Variants in ZNF607 observed in about 807,000 individuals in gnomAD.
ZNF607 encodes the protein zinc finger protein 607.
ZNF607 carries 5 observed loss-of-function variants against 12.8 expected under a neutral mutation model. The observed-to-expected ratio is 0.39, with a 90% confidence interval of 0.20 to 0.82. ZNF607 has a LOEUF of 0.82. ZNF607 is among the 40% of genes least tolerant of loss of function. The pLI, the probability that ZNF607 is intolerant of heterozygous loss-of-function variation, is 0.39. For synonymous variants in ZNF607, 287 were observed against 276.2 expected (o/e 1.04, Z -0.39); for missense variants, 851 against 859.2 (o/e 0.99, Z 0.12).
At chr19:37,702,899 C>G (rs2045050906) in intron 4 of ZNF607, among the ~76,000 whole-genome samples, 1 of 151,986 alleles carries the variant, frequency 6.6e-6, no homozygotes, top group South Asian at 2.1e-4. Context: ...AAATAAATTA[C>G]TCAAGGAGAT....
intron 2 of ZNF607, 90 bp from the exon 3 acceptor site, chr19:37,709,912 T>C (rs886143001): frequency 3.4e-6 from 5 of 1,480,522 alleles, no homozygotes; most frequent in Non-Finnish European, 9.2e-7. Context: ...ATCCCAGCAC[T>C]TTGGGAGGCC....
At chr19:37,711,494 G>T in intron 2 of ZNF607, 116 bp downstream of exon 2, 2 of 1,045,188 alleles carry the variant, frequency 1.9e-6, no homozygotes, top group Non-Finnish European at 3.0e-6. Flanking sequence ...GAGAACTGGA[G>T]ATTAGGTTAA....
chr19:37,697,948 T>A lies in ZNF607; in HGVS notation c.*92A>T. ...AAAACTGAACTGTATCTCAAAGCCA[T>A]TCCACATTGTCTTCATTCAAATTGT... On this transcript the variant is annotated 3_prime_UTR_variant, in exon 5 of 5. Coordinates refer to ENST00000355202, the MANE Select transcript of ZNF607 (RefSeq NM_032689.5). 1 of 1,276,342 alleles carries A rather than the reference T, an allele frequency of 7.8e-7. No individual in the cohort carries two copies. Among genetic ancestry groups the A allele is most frequent in the Non-Finnish European group, 1.1e-6 (1 of 931,546 alleles). The allele number at this position is 1,276,342 out of a possible 1,614,324, so 79.1% of individuals were successfully genotyped here. A position where few individuals can be genotyped will look rare whatever the true frequency, so the allele number is the denominator to read the frequency against.
chr19:37,712,288 A>G (rs2045139629), intron 1 of ZNF607, among the ~76,000 whole-genome samples: 1 of 152,242 alleles, frequency 6.6e-6, no homozygotes, highest in Non-Finnish European at 1.5e-5. Context: ...AGACTGACCA[A>G]TACATTTATT....
chr19:37,697,641 T>C lies in ZNF607; in HGVS notation c.*399A>G. On this transcript the variant is annotated 3_prime_UTR_variant, in exon 5 of 5. Transcript: ENST00000355202. ...CATCATCGCTTATATCAACAGAGGT[T>C]TCCTGTGTAATGGCTTTTTCCAGGT... The C allele has an allele frequency of 2.8e-6, 1 of 359,314 alleles. No homozygotes were observed. The highest frequency in any genetic ancestry group is 5.1e-6 in the Non-Finnish European group (1 of 195,604). The allele number at this position is 359,314 out of a possible 1,614,324, so 22.3% of individuals were successfully genotyped here.
chr19:37,718,465 T>G (rs2045196467), intron 1 of ZNF607, among the ~76,000 whole-genome samples: 3 of 151,972 alleles, frequency 2.0e-5, no homozygotes, highest in African/African-American at 7.3e-5. Flanking sequence ...GTTCTTGGGG[T>G]CAGAATTCAA....
Position 37,697,063 on chromosome 19 carries a change from A to T in ZNF607, c.*977T>A. The stretch of plus-strand genomic sequence containing the variant: ...ATGAACGGCAGCACACACTCATCGT[A>T]GTCCTCTCCAATGCTGGTGAAGATG... On this transcript the variant is annotated 3_prime_UTR_variant, in exon 5 of 5. Transcript: ENST00000355202. The T allele has an allele frequency of 1.4e-6, 1 of 740,262 alleles. No homozygotes were observed. The highest frequency in any genetic ancestry group is 2.6e-5 in the East Asian group (1 of 38,812). 45.9% of individuals were successfully genotyped at this position (740,262 alleles called of 1,614,324 possible).
intron 1 of ZNF607, among the ~76,000 whole-genome samples, chr19:37,714,225 G>A (rs1456901168): frequency 6.6e-6 from 1 of 151,862 alleles, no homozygotes; most frequent in Non-Finnish European, 1.5e-5. Context: ...GGGAGGCTGA[G>A]GCAGGAGAAT....
intron 4 of ZNF607, among the ~76,000 whole-genome samples, chr19:37,700,499 A>C (rs1430901022): frequency 6.6e-6 from 1 of 152,210 alleles, no homozygotes; most frequent in Admixed American, 6.5e-5. Flanking sequence ...ATTTCAGGGA[A>C]GATTTTCATT....
rs886652783 is a variant in ZNF607, at chr19:37,697,760, T to C, written c.*280A>G. The C allele has an allele frequency of 3.0e-6, 1 of 332,976 alleles. No homozygotes were observed. The highest frequency in any genetic ancestry group is 2.1e-5 in the African/African-American group (1 of 46,972). The allele number at this position is 332,976 out of a possible 1,614,324, so 20.6% of individuals were successfully genotyped here. On this transcript the variant is annotated 3_prime_UTR_variant, in exon 5 of 5. Coordinates refer to ENST00000355202, the MANE Select transcript of ZNF607 (RefSeq NM_032689.5). ...TCAGTTTTCCTCTACTGTGAATATTTTGGCAATCCAAAACTAGAGGAATAT... is the reference window on the plus strand; with the variant it reads ...TCAGTTTTCCTCTACTGTGAATATTCTGGCAATCCAAAACTAGAGGAATAT...
intron 1 of ZNF607, among the ~76,000 whole-genome samples, chr19:37,716,250 GA>G (rs1017363057): frequency 7.9e-5 from 12 of 151,320 alleles, no homozygotes; most frequent in South Asian, 2.1e-4. Flanking sequence ...GAGAACTATA[GA>G]AAAAAAAATT....
rs770481914 is a variant in ZNF607 at position 37,699,168 on chromosome 19, C to T, written c.963G>A (p.Arg321=). The part of the protein sequence containing the change: ...CKECGKGFTC[R]YQLTMHQRIY... Reference sequence around the variant, plus strand: ...TTCTCTGATGCATGGTAAGTTGATACCTACATGTAAAGCCCTTCCCGCATT... The same window carrying T: ...TTCTCTGATGCATGGTAAGTTGATATCTACATGTAAAGCCCTTCCCGCATT... The change falls in exon 5 of 5, where the codon AGG becomes AGA. Residue 321 remains arginine, a synonymous_variant. Coordinates refer to ENST00000355202, the MANE Select transcript of ZNF607 (RefSeq NM_032689.5). The T allele has an allele frequency of 2.5e-6, 4 of 1,614,094 alleles. No homozygotes were observed. The highest frequency in any genetic ancestry group is 2.2e-5 in the East Asian group (1 of 44,876).
Position 37,699,287 on chromosome 19 carries a change from C to A in ZNF607, c.844G>T (p.Glu282Ter). 1 of 1,613,918 alleles carries A rather than the reference C, an allele frequency of 6.2e-7. No homozygotes were observed. The highest frequency in any genetic ancestry group is 8.5e-7 in the Non-Finnish European group (1 of 1,179,978). The stretch of plus-strand genomic sequence containing the variant: ...AAGGCCTTTCCACATTCCTTACATT[C>A]ATGTGGCTTCTCTCCAGTATGAATA... The part of the protein sequence containing the change: ...QSIHTGEKPH[E>*]CKECGKAFRQ... Residue 282 changes from glutamate (E) to a stop codon, truncating the protein, a stop_gained, in exon 5 of 5, where the codon GAA (glutamate) becomes TAA (stop). Coordinates refer to ENST00000355202, the MANE Select transcript of ZNF607 (RefSeq NM_032689.5). LOFTEE classifies it low-confidence loss of function (END_TRUNC).
At position 37,697,263 on chromosome 19, in the gene ZNF607, T is replaced by A; in HGVS notation, c.*777A>T. 1.3e-6 allele frequency: 1 copy of A among 791,702 alleles called. No homozygotes were observed. Among genetic ancestry groups the A allele is most frequent in the Non-Finnish European group, 2.3e-6 (1 of 439,364 alleles). The allele number at this position is 791,702 out of a possible 1,614,324, so 49.0% of individuals were successfully genotyped here. A position where few individuals can be genotyped will look rare whatever the true frequency, so the allele number is the denominator to read the frequency against. The stretch of plus-strand genomic sequence containing the variant: ...GTGAGTCCCTTCCCCTACCACAATG[T>A]TCTGTACTCCACGGAATTGGTCAAA... On this transcript the variant is annotated 3_prime_UTR_variant, in exon 5 of 5. Coordinates refer to ENST00000355202, the MANE Select transcript of ZNF607 (RefSeq NM_032689.5).
At chr19:37,704,412 T>C (rs2045063720) in intron 4 of ZNF607, among the ~76,000 whole-genome samples, 1 of 152,184 alleles carries the variant, frequency 6.6e-6, no homozygotes, top group Non-Finnish European at 1.5e-5. Flanking sequence ...ATAAAAAGCA[T>C]GTTCTCTGAT....
At chr19:37,700,421 A>C (rs1012085311) in intron 4 of ZNF607, among the ~76,000 whole-genome samples, 4 of 106,184 alleles carry the variant, frequency 3.8e-5, no homozygotes, top group Non-Finnish European at 6.9e-5. Context: ...CTTATTTAAT[A>C]TATAGAGAAA....
intron 2 of ZNF607, among the ~76,000 whole-genome samples, 168 bp downstream of exon 2, chr19:37,711,442 C>T (rs1041510333): frequency 6.6e-6 from 1 of 152,060 alleles, no homozygotes; most frequent in Non-Finnish European, 1.5e-5. Flanking sequence ...GCCCACCTAG[C>T]GAGGATGCTG....
chr19:37,717,514 G>A (rs987617368), intron 1 of ZNF607, among the ~76,000 whole-genome samples: 6 of 151,814 alleles, frequency 4.0e-5, no homozygotes, highest in Admixed American at 2.0e-4. Context: ...AATGAGCTGC[G>A]GCTGGGCGTG....
chr19:37,707,913 C>T lies in ZNF607; in HGVS notation c.235+1G>A. On this transcript the variant is annotated splice_donor_variant, in intron 4 of 4. Coordinates refer to ENST00000355202, the MANE Select transcript of ZNF607 (RefSeq NM_032689.5). LOFTEE classifies it high-confidence loss of function. ...GCTGCCCCTGCCTGACTTGCTCTTA[C>T]CTGTACACTCTCCTCTTGTTTCTTC... 6.2e-7 allele frequency: 1 copy of T among 1,613,320 alleles called. No individual in the cohort carries two copies. Among genetic ancestry groups the T allele is most frequent in the Non-Finnish European group, 8.5e-7 (1 of 1,179,514 alleles).
Sources: allele counts gnomAD v4.1 joint callset (sites outside exome capture counted in the v4.1 genomes callset), GRCh38; gene constraint gnomAD v4.1.1; transcripts MANE v1.5; gene names NCBI Gene and HGNC (gene_info 2026-07-23, HGNC 2026-07-21).